The following DNAI1 variants were observed in gnomAD, a reference collection of about 807,000 sequenced individuals.
DNAI1 encodes dynein, axonemal, intermediate polypeptide 1.
In DNAI1, 67 loss-of-function variants were observed where a neutral mutation model predicts 92.0. That is an observed-to-expected ratio of 0.73 (90% CI 0.60 to 0.89). The LOEUF (loss-of-function observed/expected upper bound fraction) is 0.89. DNAI1 is among the 40% of genes least tolerant of loss of function. DNAI1 has a pLI of 0.00. For missense variants in DNAI1, 839 were observed against 866.6 expected (o/e 0.97, Z 0.40); for synonymous variants, 323 against 319.6 (o/e 1.01, Z -0.11).
Position 34,492,524 on chromosome 9 carries a change from A to G in DNAI1, c.682-670A>G, listed in dbSNP as rs1421996651. 6.4e-5 allele frequency among the ~76,000 whole-genome samples: 6 copies of G among 93,916 alleles called. 1 individual carries two copies. Among genetic ancestry groups the G allele is most frequent in the African/African-American group, 2.3e-4 (6 of 26,314 alleles). 61.6% of individuals were successfully genotyped at this position (93,916 alleles called of 152,430 possible). On this transcript the variant is annotated intron_variant, in intron 8 of 19. Coordinates refer to ENST00000242317, the MANE Select transcript of DNAI1 (RefSeq NM_012144.4). ...TATATATATATATATATATATATAT[A>G]TATATATATATTTGAGACAAGGCCT...
chr9:34,496,011 C>T (rs760631377), intron 9 of DNAI1, among the ~76,000 whole-genome samples: 78 of 152,294 alleles, frequency 5.1e-4, no homozygotes, highest in Non-Finnish European at 9.0e-4. Flanking sequence ...CATAACCCTT[C>T]GCTGCACTAC....
intron 10 of DNAI1, among the ~76,000 whole-genome samples, chr9:34,499,023 T>A (rs1277573784): frequency 3.9e-5 from 6 of 152,228 alleles, no homozygotes; most frequent in Admixed American, 3.9e-4. Context: ...TGAACCACTT[T>A]CATTTATAAG....
At chr9:34,493,520 T>TC (rs1487954863) in intron 9 of DNAI1, among the ~76,000 whole-genome samples, 192 bp downstream of exon 9, 1 of 151,760 alleles carries the variant, frequency 6.6e-6, no homozygotes, top group African/African-American at 2.4e-5. Context: ...ATTCCATACC[T>TC]CCCCCCAGTA....
chr9:34,479,257 G>A (rs1372696199), intron 1 of DNAI1, among the ~76,000 whole-genome samples: 2 of 152,170 alleles, frequency 1.3e-5, no homozygotes, highest in Admixed American at 6.5e-5. Context: ...GCTAGGGGAA[G>A]AGTTTGAGCT....
intron 1 of DNAI1, among the ~76,000 whole-genome samples, chr9:34,481,282 C>G (rs1163836051): frequency 6.6e-6 from 1 of 152,180 alleles, no homozygotes; most frequent in African/African-American, 2.4e-5. Context: ...CTCTTTATTG[C>G]CTGGTACAGA....
chr9:34,488,679 C>G (rs1249408557), intron 4 of DNAI1: 1 of 156,206 alleles, frequency 6.4e-6, no homozygotes, highest in Non-Finnish European at 1.4e-5. Flanking sequence ...ATTGTGTCTA[C>G]TTTTTCTCAG....
chr9:34,504,975 G>A (rs773633961), intron 12 of DNAI1, among the ~76,000 whole-genome samples: 3 of 152,046 alleles, frequency 2.0e-5, no homozygotes, highest in South Asian at 2.1e-4. Flanking sequence ...CTAGAGGGAC[G>A]GCTTCCAAAC....
rs755853256 is a variant in DNAI1, at chr9:34,493,303, G to A, written c.791G>A (p.Arg264Lys). The A allele has an allele frequency of 1.7e-5, 28 of 1,613,996 alleles. No individual in the cohort carries two copies. Among genetic ancestry groups the A allele is most frequent in the Admixed American group, 6.7e-5 (4 of 60,004 alleles). Residue 264 changes from arginine (R) to lysine (K), a missense_variant, in exon 9 of 20, where the codon AGG becomes AAG. Physicochemically the swap from Arg to Lys is conservative, Grantham distance 26 (BLOSUM62 2). Coordinates refer to ENST00000242317, the MANE Select transcript of DNAI1 (RefSeq NM_012144.4). ...AAAAAATCAGGGAAGATGGCCATGA[G>A]GAAGCTGACATCTATGGAGTCTCAG... is the stretch of plus-strand genomic sequence containing the variant. ...VAKKSGKMAMRKLTSMESQTD... is the reference protein window; with the variant it reads ...VAKKSGKMAMKKLTSMESQTD...
At position 34,514,575 on chromosome 9, in the gene DNAI1, C is replaced by G. The variant is rs569698008; in HGVS notation, c.1718+33C>G. ...GCCTGTTCCTGGCTCTGCCTGGGGC[C>G]CTCCCCTGGGCTATGGCACTGTGAG... On this transcript the variant is annotated intron_variant, in intron 17 of 19. Transcript: ENST00000242317. The G allele has an allele frequency of 1.1e-4, 184 of 1,614,208 alleles. 2 individuals carry two copies. In the South Asian group the frequency reaches 2.0e-3, roughly 17 times the overall value.
At chr9:34,501,283 A>T (rs1824826292) in intron 12 of DNAI1, 102 bp downstream of exon 12, 2 of 1,012,528 alleles carry the variant, frequency 2.0e-6, no homozygotes, top group South Asian at 2.5e-5. Context: ...TACAAAGATG[A>T]CTGCCCGCAG....
At position 34,491,543 on chromosome 9, in the gene DNAI1, A is replaced by G. The variant is rs77338862; in HGVS notation, c.670A>G (p.Thr224Ala). The G allele has an allele frequency of 1.2e-5, 20 of 1,614,058 alleles. No homozygotes were observed. The South Asian group carries it at 2.2e-4, about 18-fold the overall frequency. ...TCCTCCCAGGACAAACTTTTCAGCC[A>G]CAGCCAATCAGGTAAGACCCTGGGC... ...EPPPRTNFSA[T>A]ANQWEIYDAY... The change falls in exon 8 of 20, where the codon ACA becomes GCA. Residue 224 changes from threonine to alanine, a missense_variant. Coordinates refer to ENST00000242317, the MANE Select transcript of DNAI1 (RefSeq NM_012144.4).
intron 1 of DNAI1, among the ~76,000 whole-genome samples, chr9:34,481,762 T>A (rs1824360868): frequency 6.6e-6 from 1 of 152,108 alleles, no homozygotes; most frequent in Non-Finnish European, 1.5e-5. Flanking sequence ...GGGCTCGTGG[T>A]CTTGCTGGGC....
chr9:34,482,980 G>T (rs1564030727), intron 1 of DNAI1, among the ~76,000 whole-genome samples: 1 of 152,234 alleles, frequency 6.6e-6, no homozygotes, highest in Non-Finnish European at 1.5e-5. Flanking sequence ...GGGGGACTCA[G>T]TACACCCTCC....
chr9:34,469,027 G>T (rs4879795), intron 1 of DNAI1, among the ~76,000 whole-genome samples: 1 of 151,742 alleles, frequency 6.6e-6, no homozygotes, highest in African/African-American at 2.4e-5. Context: ...AAAGTTTTCT[G>T]AACTTGGTGG....
chr9:34,484,975 T>A, intron 2 of DNAI1, 167 bp from the exon 3 acceptor site: 1 of 680,234 alleles, frequency 1.5e-6, no homozygotes, highest in Middle Eastern at 4.0e-4. Context: ...AACTCTGGCC[T>A]GAGCAGTTCT....
chr9:34,504,613 C>T (rs1024064618), intron 12 of DNAI1, among the ~76,000 whole-genome samples: 1 of 152,160 alleles, frequency 6.6e-6, no homozygotes, highest in Non-Finnish European at 1.5e-5. Flanking sequence ...TTAAATGTCC[C>T]GCTTGATGTA....
At position 34,474,862 on chromosome 9, in the gene DNAI1, C is replaced by T. The variant is rs368522549; in HGVS notation, c.49-8586C>T. On this transcript the variant is annotated intron_variant, in intron 1 of 19. Transcript: ENST00000242317. ...GATTACAGGTGTGAGCCACCGTGTC[C>T]GGCAAGGTGTGAATATTTCTATCAG... 4.6e-5 allele frequency among the ~76,000 whole-genome samples: 7 copies of T among 152,118 alleles called. No homozygotes were observed. The East Asian group carries it at 7.7e-4, about 17-fold the overall frequency.
Position 34,485,494 on chromosome 9 carries a change from A to C in DNAI1, c.238A>C (p.Asn80His). 6.2e-7 allele frequency: 1 copy of C among 1,614,188 alleles called. No homozygotes were observed. The highest frequency in any genetic ancestry group is 8.5e-7 in the Non-Finnish European group (1 of 1,180,032). ...AGCCAACAACCCACACGCACCCCAG[A>C]ACATTGTCAGGTACAGCTTCAAAGT... is the stretch of plus-strand genomic sequence containing the variant. Reference protein sequence around the residue: ...LTANNPHAPQNIVRYSFKEGT... With the variant: ...LTANNPHAPQHIVRYSFKEGT... Residue 80 changes from asparagine to histidine, a missense_variant, in exon 4 of 20, where the codon AAC becomes CAC. Coordinates refer to ENST00000242317, the MANE Select transcript of DNAI1 (RefSeq NM_012144.4).
chr9:34,511,025 A>G (rs991001962), intron 13 of DNAI1, among the ~76,000 whole-genome samples: 1 of 151,898 alleles, frequency 6.6e-6, no homozygotes, highest in Non-Finnish European at 1.5e-5. Flanking sequence ...GCCCCCAACA[A>G]CCCTGGTGAC....
Sources: allele counts gnomAD v4.1 joint callset (sites outside exome capture counted in the v4.1 genomes callset), GRCh38; gene constraint gnomAD v4.1.1; transcripts MANE v1.5; gene names NCBI Gene and HGNC (gene_info 2026-07-23, HGNC 2026-07-21).